WNT5B: variants seen among roughly 807,000 people sequenced by gnomAD.
WNT5B encodes the protein protein Wnt-5b.
In WNT5B, 18 loss-of-function variants were observed where a neutral mutation model predicts 36.5. The observed-to-expected ratio is 0.49, with a 90% confidence interval of 0.34 to 0.73. The LOEUF (loss-of-function observed/expected upper bound fraction) is 0.73. Ranked by LOEUF, WNT5B falls within the 30% of genes least tolerant of loss-of-function variation. WNT5B has a pLI of 0.01. For synonymous variants in WNT5B, 213 were observed against 212.3 expected (o/e 1.00, Z -0.03); for missense variants, 424 against 508.4 (o/e 0.83, Z 1.60).
In WNT5B at chr12:1,630,274, G is replaced by T. The variant is rs1489663031; in HGVS notation, c.-58+903G>T. On this transcript the variant is annotated intron_variant, in intron 1 of 4. Transcript: ENST00000397196. The surrounding 1 kb of genome is among the most constrained non-coding windows in gnomAD (Gnocchi z 5.3). ...CTGGGGGCGCGGGTCACGCCCAGAC[G>T]GGGGCCCCGGAGGACCGCGGGGGAG... The T allele has an allele frequency of 3.1e-6, 3 of 978,702 alleles. No homozygotes were observed. Among genetic ancestry groups the T allele is most frequent in the Non-Finnish European group, 3.6e-6 (3 of 823,952 alleles). The allele number at this position is 978,702 out of a possible 1,614,324, so 60.6% of individuals were successfully genotyped here.
chr12:1,639,873 AG>A lies in WNT5B; in HGVS notation c.520del (p.Glu174SerfsTer24). On this transcript the variant is annotated frameshift_variant, in exon 4 of 5. Coordinates refer to ENST00000397196, the MANE Select transcript of WNT5B (RefSeq NM_032642.3). LOFTEE classifies it high-confidence loss of function. ...GTGGAGTACGGCTACCGCTTCGCCA[AG>A]GAGTTTGTGGATGCCCGGGAGCGAG... ...DNVEYGYRFA[K>X]EFVDAREREK... 1 of 1,614,062 alleles carries A rather than the reference AG, an allele frequency of 6.2e-7. No homozygotes were observed. The highest frequency in any genetic ancestry group is 8.5e-7 in the Non-Finnish European group (1 of 1,179,936).
At position 1,646,106 on chromosome 12, in the gene WNT5B, G is replaced by A. The variant is rs2094585184; in HGVS notation, c.934G>A (p.Asp312Asn). 6.2e-7 allele frequency: 1 copy of A among 1,614,026 alleles called. No homozygotes were observed. Among genetic ancestry groups the A allele is most frequent in the East Asian group, 2.2e-5 (1 of 44,882 alleles). The change falls in exon 5 of 5, where the codon GAT becomes AAT. Residue 312 changes from aspartate to asparagine, a missense_variant. Transcript: ENST00000397196. The part of the protein sequence containing the change: ...RLCNKTSEGM[D>N]GCELMCCGRG... ...CTGCAACAAGACCTCGGAGGGCATG[G>A]ATGGCTGTGAGCTCATGTGCTGCGG...
intron 4 of WNT5B, among the ~76,000 whole-genome samples, chr12:1,642,426 T>C (rs1162410465): frequency 6.6e-6 from 1 of 152,248 alleles, no homozygotes; most frequent in Non-Finnish European, 1.5e-5. Context: ...TTCTCAGGTA[T>C]TCCTTACTCT....
At chr12:1,619,122 G>T in intron 1 of WNT5B, among the ~76,000 whole-genome samples, 1 of 30,162 alleles carries the variant, frequency 3.3e-5, no homozygotes, top group South Asian at 1.2e-3. Context: ...CTCCCACCAA[G>T]CCCCCAGCCC....
In WNT5B at chr12:1,646,353, T is replaced by C; in HGVS notation, c.*101T>C. Reference sequence around the variant, plus strand: ...TTTTATATTTGTATAAGTAAATGGGTGGGTGCTATACAATGGAAAGATGAA... The same window carrying C: ...TTTTATATTTGTATAAGTAAATGGGCGGGTGCTATACAATGGAAAGATGAA... On this transcript the variant is annotated 3_prime_UTR_variant, in exon 5 of 5. Transcript: ENST00000397196. 2 of 1,010,890 alleles carry C rather than the reference T, an allele frequency of 2.0e-6. No individual in the cohort carries two copies. Among genetic ancestry groups the C allele is most frequent in the South Asian group, 5.4e-5 (2 of 37,318 alleles). The allele number at this position is 1,010,890 out of a possible 1,614,324, so 62.6% of individuals were successfully genotyped here. A position where few individuals can be genotyped will look rare whatever the true frequency, so the allele number is the denominator to read the frequency against.
At chr12:1,623,177 G>GTTTTTTTTTTTTTTTTTTTTTTTTT (rs1565603144) in intron 1 of WNT5B, among the ~76,000 whole-genome samples, 1 of 98,188 alleles carries the variant, frequency 1.0e-5, no homozygotes, top group African/African-American at 4.3e-5. Flanking sequence ...CCTTTGAAGG[G>GTTTTTTTTTTTTTTTTTTTTTTTTT]TTTTTTGTTG....
chr12:1,623,187 G>GTTGTTTTTTTTTT (rs1555156806), intron 1 of WNT5B, among the ~76,000 whole-genome samples: 4 of 58,364 alleles, frequency 6.9e-5, no homozygotes, highest in African/African-American at 2.9e-4. Flanking sequence ...GTTTTTTGTT[G>GTTGTTTTTTTTTT]TTTTTTTTTT....
In WNT5B at chr12:1,646,459, G is replaced by A; in HGVS notation, c.*207G>A. On this transcript the variant is annotated 3_prime_UTR_variant, in exon 5 of 5. Transcript: ENST00000397196. Reference sequence around the variant, plus strand: ...TGCTGGTTCTCTCCTCTTGGTGGGTGGGAGACAGGGCTTTTTCTCTCCCTC... The same window carrying A: ...TGCTGGTTCTCTCCTCTTGGTGGGTAGGAGACAGGGCTTTTTCTCTCCCTC... 1 of 341,606 alleles carries A rather than the reference G, an allele frequency of 2.9e-6. No individual in the cohort carries two copies. The highest frequency in any genetic ancestry group is 4.6e-5 in the Admixed American group (1 of 21,942). 21.2% of individuals were successfully genotyped at this position (341,606 alleles called of 1,614,324 possible). A position where few individuals can be genotyped will look rare whatever the true frequency, so the allele number is the denominator to read the frequency against.
rs2094586934 is a variant in WNT5B, at chr12:1,647,016, A to C, written c.*764A>C. On this transcript the variant is annotated 3_prime_UTR_variant, in exon 5 of 5. Coordinates refer to ENST00000397196, the MANE Select transcript of WNT5B (RefSeq NM_032642.3). ...TGGGCTGCAGAAGCCAGGGTGCATG[A>C]CCAGGCTGCGTGGACGTTATACTGT... The C allele has an allele frequency of 6.6e-6, 1 of 152,190 alleles. No homozygotes were observed. Among genetic ancestry groups the C allele is most frequent in the Non-Finnish European group, 1.5e-5 (1 of 68,046 alleles). The allele number at this position is 152,190 out of a possible 1,614,324, so 9.4% of individuals were successfully genotyped here.
chr12:1,639,464 C>T (rs1163386407), intron 3 of WNT5B, among the ~76,000 whole-genome samples: 2 of 151,926 alleles, frequency 1.3e-5, no homozygotes, highest in Non-Finnish European at 2.9e-5. Context: ...CGGGTGGTTT[C>T]GCAGGGCTGA....
chr12:1,626,184 C>A (rs895553983), upstream of WNT5B, among the ~76,000 whole-genome samples: 1 of 152,020 alleles, frequency 6.6e-6, no homozygotes, highest in Non-Finnish European at 1.5e-5. Flanking sequence ...GTCTTGAACT[C>A]CTGGGCTCAA....
At position 1,644,328 on chromosome 12, in the gene WNT5B, C is replaced by CT. The variant is rs754686229; in HGVS notation, c.622-1465dup. The stretch of plus-strand genomic sequence containing the variant: ...GGAGAGCCTTCCTTCCTCCTCTGCT[C>CT]TAAGCCAGCTTTAAGCCCCGAGATT... On this transcript the variant is annotated intron_variant, in intron 4 of 4. Transcript: ENST00000397196. This position sits in a 1 kb window ranked among gnomAD's most constrained non-coding sequence, Gnocchi z 5.1. Among the ~76,000 whole-genome samples, 13 of 152,140 alleles carry CT rather than the reference C, an allele frequency of 8.5e-5. No individual in the cohort carries two copies. Among genetic ancestry groups the CT allele is most frequent in the Non-Finnish European group, 1.6e-4 (11 of 68,024 alleles).
Position 1,633,019 on chromosome 12 carries a change from T to C in WNT5B, c.328+114T>C. 6.9e-7 allele frequency: 1 copy of C among 1,454,310 alleles called. No individual in the cohort carries two copies. The highest frequency in any genetic ancestry group is 2.3e-5 in the Admixed American group (1 of 44,350). 90.1% of individuals were successfully genotyped at this position (1,454,310 alleles called of 1,614,324 possible). ...GAGCCCAAAGGCAGCCTAAGTGGGC[T>C]CTCTCTAGGCTTGGCAGCAGTGTGC... On this transcript the variant is annotated intron_variant, in intron 3 of 4. Coordinates refer to ENST00000397196, the MANE Select transcript of WNT5B (RefSeq NM_032642.3). The surrounding 1 kb of genome is among the most constrained non-coding windows in gnomAD (Gnocchi z 4.8).
rs768816097 is a variant in WNT5B at position 1,644,920 on chromosome 12, C to T, written c.622-874C>T. The T allele has an allele frequency of 6.6e-6, 1 of 152,232 alleles. No individual in the cohort carries two copies. Among genetic ancestry groups the T allele is most frequent in the Non-Finnish European group, 1.5e-5 (1 of 68,050 alleles). 9.4% of individuals were successfully genotyped at this position (152,232 alleles called of 1,614,324 possible). A position where few individuals can be genotyped will look rare whatever the true frequency, so the allele number is the denominator to read the frequency against. On this transcript the variant is annotated intron_variant, in intron 4 of 4. Coordinates refer to ENST00000397196, the MANE Select transcript of WNT5B (RefSeq NM_032642.3). This position sits in a 1 kb window ranked among gnomAD's most constrained non-coding sequence, Gnocchi z 5.1. ...GGCAGGCCCAGCTGCTTGCAGTTCCCTTGCACGTTGCTTCACTGTGTTACT... is the reference window on the plus strand; with the variant it reads ...GGCAGGCCCAGCTGCTTGCAGTTCCTTTGCACGTTGCTTCACTGTGTTACT...
rs567528461 is a variant in WNT5B at position 1,633,167 on chromosome 12, G to C, written c.328+262G>C. On this transcript the variant is annotated intron_variant, in intron 3 of 4. Transcript: ENST00000397196. This position sits in a 1 kb window ranked among gnomAD's most constrained non-coding sequence, Gnocchi z 4.8. The stretch of plus-strand genomic sequence containing the variant: ...GCAGGTTGCTTGGGACTCACTGAGA[G>C]GGGGCAGGTTGCTTGGGACTCACTG... Among the ~76,000 whole-genome samples the C allele has an allele frequency of 2.0e-5, 3 of 152,016 alleles. No homozygotes were observed. The highest frequency in any genetic ancestry group is 4.4e-5 in the Non-Finnish European group (3 of 67,988).
At chr12:1,623,187 GTTTTTTTTT>G (rs771500550) in intron 1 of WNT5B, among the ~76,000 whole-genome samples, 8 of 58,366 alleles carry the variant, frequency 1.4e-4, no homozygotes, top group Admixed American at 8.1e-4. Flanking sequence ...GTTTTTTGTT[GTTTTTTTTT>G]TTTTTTTTTT....
At chr12:1,629,581 G>A (rs2094546279) in intron 1 of WNT5B, among the ~76,000 whole-genome samples, 1 of 152,102 alleles carries the variant, frequency 6.6e-6, no homozygotes, top group African/African-American at 2.4e-5. Flanking sequence ...GGCACGGGCG[G>A]CCCTAGCTCT....
chr12:1,645,754 C>A (rs764405644), intron 4 of WNT5B, 40 bp from the exon 5 acceptor site: 5 of 1,534,284 alleles, frequency 3.3e-6, no homozygotes, highest in Non-Finnish European at 3.5e-6. Flanking sequence ...CCTCTTCCAC[C>A]GGGATCCTCC....
At chr12:1,623,097 G>A (rs987819868) in intron 1 of WNT5B, among the ~76,000 whole-genome samples, 3 of 151,876 alleles carry the variant, frequency 2.0e-5, no homozygotes, top group Non-Finnish European at 4.4e-5. Context: ...AAAGGTTGGC[G>A]GGGCCAGATT....
Sources: allele counts gnomAD v4.1 joint callset (sites outside exome capture counted in the v4.1 genomes callset), GRCh38; gene constraint gnomAD v4.1.1; non-coding constraint Gnocchi (gnomAD v3.1); transcripts MANE v1.5; gene names NCBI Gene and HGNC (gene_info 2026-07-23, HGNC 2026-07-21).